DNAJC6: variants seen among roughly 807,000 people sequenced by gnomAD.
DNAJC6 encodes auxilin.
DNAJC6 carries 34 observed loss-of-function variants against 110.0 expected under a neutral mutation model. That is an observed-to-expected ratio of 0.31 (90% confidence interval 0.24 to 0.41). The LOEUF is 0.41. DNAJC6 is among the 10% of genes least tolerant of loss of function. The pLI is 1.00. For synonymous variants in DNAJC6, 406 were observed against 437.2 expected (o/e 0.93, Z 0.89); for missense variants, 1,031 against 1,207.8 (o/e 0.85, Z 2.17).
chr1:65,281,840 C>T (rs1284643558), intron 1 of DNAJC6, among the ~76,000 whole-genome samples: 2 of 152,116 alleles, frequency 1.3e-5, no homozygotes, highest in South Asian at 2.1e-4. Context: ...GATCTCCTGA[C>T]CTCATGATCC....
intron 1 of DNAJC6, among the ~76,000 whole-genome samples, chr1:65,328,721 C>T (rs1645262162): frequency 6.6e-6 from 1 of 152,200 alleles, no homozygotes; most frequent in South Asian, 2.1e-4. Context: ...GCATCTGAGG[C>T]CATAATGGTG....
intron 1 of DNAJC6, among the ~76,000 whole-genome samples, chr1:65,311,293 C>T (rs1351467051): frequency 1.5e-5 from 2 of 131,296 alleles, no homozygotes; most frequent in East Asian, 2.5e-4. Flanking sequence ...GATGCGAACT[C>T]GGCGGACTGC....
At chr1:65,376,076 G>T (rs1186903551) in intron 4 of DNAJC6, among the ~76,000 whole-genome samples, 1 of 152,104 alleles carries the variant, frequency 6.6e-6, no homozygotes, top group African/African-American at 2.4e-5. Flanking sequence ...CTTGTTACTG[G>T]TTTGTTGAGG....
At chr1:65,380,897 T>G (rs991342270) in intron 5 of DNAJC6, among the ~76,000 whole-genome samples, 6 of 134,644 alleles carry the variant, frequency 4.5e-5, no homozygotes, top group Non-Finnish European at 7.5e-5. Context: ...GGAGTTTTTT[T>G]TTTTTTGTTT....
In DNAJC6 at chr1:65,302,118, ATATATAAAAAAT is replaced by A. The variant is rs1457434286; in HGVS notation, c.-131+37187_-131+37198del. ...TATATATAATATATAATATATATAT[ATATATAAAAAAT>A]ATATATAATACGTATTATATATATT... On this transcript the variant is annotated intron_variant, in intron 1 of 19. Transcript: ENST00000263441. Among the ~76,000 whole-genome samples, 115 of 17,412 alleles carry A rather than the reference ATATATAAAAAAT, an allele frequency of 6.6e-3. 2 individuals are homozygous for A. The highest frequency in any genetic ancestry group is 0.044 in the African/African-American group (113 of 2,566). The allele number at this position is 17,412 out of a possible 152,430, so 11.4% of individuals were successfully genotyped here.
At chr1:65,361,929 G>T (rs531185461) in intron 1 of DNAJC6, among the ~76,000 whole-genome samples, 17 of 152,092 alleles carry the variant, frequency 1.1e-4, no homozygotes, top group Admixed American at 2.0e-4. Context: ...GCTGCATTTG[G>T]TACCAGCATA....
chr1:65,267,050 C>T (rs975230686), intron 1 of DNAJC6, among the ~76,000 whole-genome samples: 1 of 152,136 alleles, frequency 6.6e-6, no homozygotes, highest in African/African-American at 2.4e-5. Context: ...GCCCATGCCA[C>T]CACGCCCGGT....
intron 1 of DNAJC6, among the ~76,000 whole-genome samples, chr1:65,300,059 A>AAG (rs1644964461): frequency 6.6e-6 from 1 of 150,492 alleles, no homozygotes; most frequent in Admixed American, 6.6e-5. Flanking sequence ...AAAAAAAAAA[A>AAG]AAAAGAAAAA....
chr1:65,336,074 A>G (rs1645333048), intron 1 of DNAJC6, among the ~76,000 whole-genome samples: 1 of 152,190 alleles, frequency 6.6e-6, no homozygotes, highest in Non-Finnish European at 1.5e-5. Flanking sequence ...TGCTACTAAT[A>G]AAGACATATC....
chr1:65,275,534 G>T (rs148423994), intron 1 of DNAJC6, among the ~76,000 whole-genome samples: 107 of 152,180 alleles, frequency 7.0e-4, no homozygotes, highest in African/African-American at 2.3e-3. Context: ...TTCAACACTT[G>T]TCCCAGGTGT....
At chr1:65,373,046 G>A (rs1645722839) in intron 4 of DNAJC6, among the ~76,000 whole-genome samples, 1 of 152,022 alleles carries the variant, frequency 6.6e-6, no homozygotes, top group African/African-American at 2.4e-5. Context: ...CTGCATATGA[G>A]TAAAAAACAT....
chr1:65,369,210 A>T (rs1157472474), intron 4 of DNAJC6, among the ~76,000 whole-genome samples: 1 of 152,194 alleles, frequency 6.6e-6, no homozygotes, highest in African/African-American at 2.4e-5. Context: ...GGCAGAATGC[A>T]AGTGGATCCT....
intron 1 of DNAJC6, among the ~76,000 whole-genome samples, chr1:65,325,761 A>G (rs117991423): frequency 6.6e-6 from 1 of 152,222 alleles, no homozygotes; most frequent in Non-Finnish European, 1.5e-5. Context: ...TTGTGCAAAC[A>G]TCATAGAGTG....
chr1:65,334,555 T>G (rs1004694232), intron 1 of DNAJC6, among the ~76,000 whole-genome samples: 1 of 152,242 alleles, frequency 6.6e-6, no homozygotes, highest in Admixed American at 6.5e-5. Context: ...CATGTAACCC[T>G]GTGCCTCTAA....
rs1338052204 is a variant in DNAJC6, at chr1:65,406,041, A to G, written c.2399A>G (p.His800Arg). 13 of 1,613,560 alleles carry G rather than the reference A, an allele frequency of 8.1e-6. No homozygotes were observed. The highest frequency in any genetic ancestry group is 1.1e-5 in the Non-Finnish European group (13 of 1,179,938). Residue 800 changes from histidine to arginine, a missense_variant, in exon 16 of 19, where the codon CAC (histidine) becomes CGC (arginine). Physicochemically the swap from His to Arg is conservative, Grantham distance 29. Transcript: ENST00000371069. ...CCTAAGCCTCAGCCCAGCATGCCCC[A>G]CTCCTCTCCCCAGAACCGACCCAAC... ...PQPKPQPSMP[H>R]SSPQNRPNYN...
At chr1:65,380,030 C>T (rs1034270787) in intron 5 of DNAJC6, among the ~76,000 whole-genome samples, 4 of 152,228 alleles carry the variant, frequency 2.6e-5, no homozygotes, top group African/African-American at 9.6e-5. Flanking sequence ...CCTAACTCTT[C>T]TCAGAACTCT....
chr1:65,406,207 T>G, intron 16 of DNAJC6, 74 bp downstream of exon 16: 1 of 1,525,452 alleles, frequency 6.6e-7, no homozygotes, highest in Non-Finnish European at 8.8e-7. Context: ...TGTGTCTCTC[T>G]GAAGGTGACA....
chr1:65,285,934 G>A (rs901602615), intron 1 of DNAJC6, among the ~76,000 whole-genome samples: 3 of 152,168 alleles, frequency 2.0e-5, no homozygotes, highest in African/African-American at 7.2e-5. Flanking sequence ...GCCTTCCAAA[G>A]TGCTGGGATT....
chr1:65,275,948 G>A (rs1045940329), intron 1 of DNAJC6, among the ~76,000 whole-genome samples: 4 of 148,422 alleles, frequency 2.7e-5, no homozygotes, highest in African/African-American at 1.0e-4. Flanking sequence ...CCAGGCTGCA[G>A]TGCGATCCTG....
Sources: allele counts gnomAD v4.1 joint callset (sites outside exome capture counted in the v4.1 genomes callset), GRCh38; gene constraint gnomAD v4.1.1; transcripts MANE v1.5; gene names NCBI Gene and HGNC (gene_info 2026-07-23, HGNC 2026-07-21).